PSG5: variants seen among roughly 807,000 people sequenced by gnomAD.
The protein encoded by PSG5 is pregnancy specific beta-1-glycoprotein 5, also known as pregnancy-specific beta-1-glycoprotein 5.
PSG5 carries 53 observed loss-of-function variants against 37.7 expected under a neutral mutation model. The observed-to-expected ratio is 1.41, with a 90% CI of 1.13 to 1.77. PSG5 has a LOEUF of 1.77. Among genes scored for constraint, PSG5 ranks in the 40% most tolerant of loss-of-function variants. The pLI is 0.00. For synonymous variants in PSG5, 221 were observed against 155.4 expected, an observed-to-expected ratio of 1.42 and a Z score of -3.14; for missense variants, 547 against 405.2, an observed-to-expected ratio of 1.35 and a Z score of -3.00.
chr19:43,174,282 G>A (rs1225422793), intron 4 of PSG5: 1 of 280,846 alleles, frequency 3.6e-6, no homozygotes, highest in East Asian at 1.7e-4. Context: ...TCTGGAAATG[G>A]ATAGTGTGAT....
At chr19:43,182,024 C>G (rs1386394505) in intron 2 of PSG5, among the ~76,000 whole-genome samples, 2 of 151,636 alleles carry the variant, frequency 1.3e-5, no homozygotes, top group Non-Finnish European at 1.5e-5. Context: ...ACAGTGACAG[C>G]AAAGTAGCAT....
chr19:43,169,386 G>A (rs1968855712), intron 5 of PSG5, among the ~76,000 whole-genome samples: 2 of 151,590 alleles, frequency 1.3e-5, no homozygotes, highest in Admixed American at 1.3e-4. Context: ...GTGATGAAGG[G>A]TGTCGTTAAG....
intron 2 of PSG5, among the ~76,000 whole-genome samples, chr19:43,179,636 T>C (rs1209168689): frequency 6.6e-6 from 1 of 151,716 alleles, no homozygotes; most frequent in Non-Finnish European, 1.5e-5. Context: ...CTTTGGGTAC[T>C]GGAAAGCCTG....
intron 2 of PSG5, among the ~76,000 whole-genome samples, chr19:43,184,454 C>G (rs566930856): frequency 6.6e-6 from 1 of 151,610 alleles, no homozygotes; most frequent in African/African-American, 2.4e-5. Flanking sequence ...GGCCAAAGCC[C>G]TACTCAGTTC....
At chr19:43,172,188 T>C (rs1289416776) in intron 4 of PSG5, among the ~76,000 whole-genome samples, 2 of 151,468 alleles carry the variant, frequency 1.3e-5, no homozygotes, top group South Asian at 4.1e-4. Context: ...AAGCATTTGA[T>C]GAAATTCAAT....
In PSG5 at chr19:43,180,731, C is replaced by T. The variant is rs535566913; in HGVS notation, c.430+4051G>A. ...AGACCAAAATAAGGTTTAGGTGTGC[C>T]GTGAATTCCAGCAGGATCACATTAT... On this transcript the variant is annotated intron_variant, in intron 2 of 5. Transcript: ENST00000342951. 1.2e-4 allele frequency: 18 copies of T among 151,548 alleles called. No homozygotes were observed. The South Asian group carries it at 3.8e-3, about 32-fold the overall frequency. The allele number at this position is 151,548 out of a possible 1,614,324, so 9.4% of individuals were successfully genotyped here. A position where few individuals can be genotyped will look rare whatever the true frequency, so the allele number is the denominator to read the frequency against.
intron 5 of PSG5, among the ~76,000 whole-genome samples, chr19:43,168,862 G>A (rs538704676): frequency 4.0e-5 from 6 of 151,568 alleles, no homozygotes; most frequent in African/African-American, 1.5e-4. Context: ...GGCCAAAAAT[G>A]TATAGTCTTA....
intron 2 of PSG5, among the ~76,000 whole-genome samples, chr19:43,184,296 T>C (rs1259922813): frequency 2.0e-5 from 3 of 151,588 alleles, no homozygotes; most frequent in Admixed American, 6.6e-5. Context: ...GCTGGTAAAT[T>C]CTTGGTCCCA....
At chr19:43,179,204 T>G (rs1479299631) in intron 2 of PSG5, 1 of 1,537,026 alleles carries the variant, frequency 6.5e-7, no homozygotes, top group African/African-American at 1.4e-5. Flanking sequence ...CACCTTTGAT[T>G]CCTCCAAAGG....
rs935431599 is a variant in PSG5, at chr19:43,174,900, T to G, written c.964+315A>C. Reference sequence around the variant, plus strand: ...GGCAGAAGGGGATGTGTTGGTGACATCGAGAAGCAACTTGATCTTGAGGAC... The same window carrying G: ...GGCAGAAGGGGATGTGTTGGTGACAGCGAGAAGCAACTTGATCTTGAGGAC... On this transcript the variant is annotated intron_variant, in intron 4 of 5. Transcript: ENST00000342951. The G allele has an allele frequency of 3.7e-5, 45 of 1,222,938 alleles. 1 individual carries two copies. In the East Asian group the frequency reaches 7.0e-4, roughly 19 times the overall value. The allele number at this position is 1,222,938 out of a possible 1,614,324, so 75.8% of individuals were successfully genotyped here. A position where few individuals can be genotyped will look rare whatever the true frequency, so the allele number is the denominator to read the frequency against.
intron 3 of PSG5, 86 bp downstream of exon 3, chr19:43,175,784 G>C (rs1185742125): frequency 8.2e-6 from 13 of 1,581,120 alleles, no homozygotes; most frequent in Non-Finnish European, 4.3e-6. Context: ...TCTATACTTG[G>C]ACCGGAGAAA....
rs1326579387 is a variant in PSG5 at position 43,175,901 on chromosome 19, C to T, written c.678G>A (p.Met226Ile). 4 of 1,612,364 alleles carry T rather than the reference C, an allele frequency of 2.5e-6. No homozygotes were observed. Among genetic ancestry groups the T allele is most frequent in the Non-Finnish European group, 8.5e-7 (1 of 1,179,178 alleles). ...CATTCAGGGTGACTGGGTCACTGCG[C>T]ATGCCACCATCTCGGTCCCGTATTT... ...ECEIRDRDGG[M>I]RSDPVTLNVL... Residue 226 changes from methionine to isoleucine, a missense_variant, in exon 3 of 6, where the codon ATG (methionine) becomes ATA (isoleucine). Met to Ile is a conservative substitution (Grantham distance 10). Transcript: ENST00000342951.
intron 4 of PSG5, among the ~76,000 whole-genome samples, chr19:43,173,649 T>C (rs1326618235): frequency 1.3e-5 from 2 of 151,364 alleles, no homozygotes; most frequent in East Asian, 1.9e-4. Flanking sequence ...AAAACCACAA[T>C]GTTACACCAC....
intron 4 of PSG5, chr19:43,175,005 G>A: frequency 6.9e-7 from 1 of 1,447,784 alleles, no homozygotes; most frequent in South Asian, 1.4e-5. Flanking sequence ...AACTTTCTTA[G>A]GCCAGACACA....
At chr19:43,173,711 AAAC>A (rs1187408153) in intron 4 of PSG5, among the ~76,000 whole-genome samples, 1 of 151,710 alleles carries the variant, frequency 6.6e-6, no homozygotes, top group African/African-American at 2.4e-5. Flanking sequence ...CAGCAACACA[AAAC>A]AACAGGTGTT....
chr19:43,184,219 C>G (rs1292751313), intron 2 of PSG5, among the ~76,000 whole-genome samples: 1 of 151,708 alleles, frequency 6.6e-6, no homozygotes, highest in Non-Finnish European at 1.5e-5. Context: ...TCTGTCTTTG[C>G]CCAGATGAGG....
chr19:43,179,647 G>T (rs368416580), intron 2 of PSG5, among the ~76,000 whole-genome samples: 1 of 151,766 alleles, frequency 6.6e-6, no homozygotes, highest in Non-Finnish European at 1.5e-5. Context: ...GGAAAGCCTG[G>T]CCTGGGACTG....
At chr19:43,179,066 T>C in intron 2 of PSG5, 2 of 1,612,482 alleles carry the variant, frequency 1.2e-6, no homozygotes, top group Non-Finnish European at 1.7e-6. Context: ...AGCTTGTGTC[T>C]GAAGCCGCAG....
At chr19:43,168,461 C>G (rs929165689) in intron 5 of PSG5, among the ~76,000 whole-genome samples, 4 of 151,512 alleles carry the variant, frequency 2.6e-5, no homozygotes, top group African/African-American at 4.9e-5. Context: ...CTCTGCCTCC[C>G]GGGTTCATGC....
Sources: gnomAD v4.1 joint callset for allele counts (sites outside exome capture counted in the v4.1 genomes callset) on GRCh38, gnomAD v4.1.1 for gene constraint, MANE v1.5 for transcripts, NCBI Gene and HGNC (gene_info 2026-07-23, HGNC 2026-07-21) for gene names.